The following DENND1A variants were observed in gnomAD, a reference collection of about 807,000 sequenced individuals.
DENND1A encodes DENN domain-containing protein 1A.
A neutral mutation model predicts 113.7 loss-of-function variants in DENND1A; 51 were observed. The observed-to-expected ratio is 0.45, with a 90% CI of 0.36 to 0.57. DENND1A has a LOEUF of 0.57. Among genes scored for constraint, DENND1A ranks in the 20% least tolerant of loss-of-function variants. The pLI is 0.00. For missense variants in DENND1A, 1,258 were observed against 1,395.9 expected, an observed-to-expected ratio of 0.90 and a Z score of 1.57; for synonymous variants, 565 against 570.8, an observed-to-expected ratio of 0.99 and a Z score of 0.14.
At chr9:123,746,420 T>A (rs2131216410) in intron 5 of DENND1A, among the ~76,000 whole-genome samples, 1 of 152,322 alleles carries the variant, frequency 6.6e-6, no homozygotes, top group Admixed American at 6.5e-5. Context: ...GCACCAATGT[T>A]TGTTTCATTA....
intron 11 of DENND1A, among the ~76,000 whole-genome samples, chr9:123,594,058 C>G (rs1156865457): frequency 2.0e-5 from 3 of 152,212 alleles, no homozygotes; most frequent in African/African-American, 7.2e-5. Flanking sequence ...GCTTCCTGTA[C>G]AGCCTGCAGA....
intron 9 of DENND1A, among the ~76,000 whole-genome samples, chr9:123,636,291 G>A (rs970891172): frequency 6.6e-6 from 1 of 151,680 alleles, no homozygotes; most frequent in African/African-American, 2.4e-5. Context: ...GATTTGAGCT[G>A]TTCAAGGACC....
chr9:123,841,241 A>G (rs574128221), intron 2 of DENND1A, among the ~76,000 whole-genome samples: 26 of 152,340 alleles, frequency 1.7e-4, no homozygotes, highest in African/African-American at 5.8e-4. Context: ...ATCAGCAATA[A>G]GTGGATCTAT....
chr9:123,578,813 G>T (rs570285357), intron 12 of DENND1A, among the ~76,000 whole-genome samples: 1 of 151,752 alleles, frequency 6.6e-6, no homozygotes, highest in African/African-American at 2.4e-5. Flanking sequence ...TCAAATCTAC[G>T]TGAAGGTCAG....
chr9:123,722,351 GACAAT>G (rs1337915219), intron 5 of DENND1A, among the ~76,000 whole-genome samples: 1 of 152,206 alleles, frequency 6.6e-6, no homozygotes, highest in African/African-American at 2.4e-5. Context: ...TTTGCAGCCT[GACAAT>G]ACAATAGAAA....
At chr9:123,888,370 G>T (rs919323108) in intron 1 of DENND1A, among the ~76,000 whole-genome samples, 1 of 152,148 alleles carries the variant, frequency 6.6e-6, no homozygotes, top group Non-Finnish European at 1.5e-5. Flanking sequence ...CTAAATAAGG[G>T]AATAAATTGA....
At chr9:123,572,306 T>A (rs2058400414) in intron 12 of DENND1A, among the ~76,000 whole-genome samples, 1 of 152,196 alleles carries the variant, frequency 6.6e-6, no homozygotes, top group Admixed American at 6.5e-5. Flanking sequence ...GGAGTAGCCT[T>A]CTATTTTATG....
At chr9:123,697,292 T>C (rs1489450709) in intron 5 of DENND1A, among the ~76,000 whole-genome samples, 1 of 152,238 alleles carries the variant, frequency 6.6e-6, no homozygotes, top group Non-Finnish European at 1.5e-5. Context: ...TCTTTAGTCA[T>C]ACAAGACAAA....
chr9:123,438,412 T>C (rs1279538829), intron 19 of DENND1A, among the ~76,000 whole-genome samples: 2 of 152,202 alleles, frequency 1.3e-5, no homozygotes, highest in South Asian at 2.1e-4. Context: ...CAGCAGACTG[T>C]AGACCTTTCC....
intron 13 of DENND1A, among the ~76,000 whole-genome samples, chr9:123,550,156 G>A (rs1358079131): frequency 6.6e-6 from 1 of 152,180 alleles, no homozygotes; most frequent in Non-Finnish European, 1.5e-5. Flanking sequence ...GCAAAATCAT[G>A]GGCTATAAGG....
At chr9:123,454,421 T>C (rs1350184666) in intron 16 of DENND1A, among the ~76,000 whole-genome samples, 1 of 152,186 alleles carries the variant, frequency 6.6e-6, no homozygotes, top group Non-Finnish European at 1.5e-5. Flanking sequence ...CCCATGATCA[T>C]GACAATTGCT....
intron 2 of DENND1A, among the ~76,000 whole-genome samples, chr9:123,807,443 C>A (rs1314617596): frequency 6.6e-6 from 1 of 152,192 alleles, no homozygotes; most frequent in Non-Finnish European, 1.5e-5. Flanking sequence ...AATGACTAAG[C>A]ACCTGATTAT....
intron 11 of DENND1A, among the ~76,000 whole-genome samples, chr9:123,584,160 G>A (rs777774773): frequency 6.6e-6 from 1 of 152,172 alleles, no homozygotes; most frequent in African/African-American, 2.4e-5. Flanking sequence ...TATTCCTTTT[G>A]AGTCAGAGGC....
intron 12 of DENND1A, among the ~76,000 whole-genome samples, chr9:123,576,933 T>A (rs2058669372): frequency 1.3e-5 from 2 of 152,234 alleles, no homozygotes; most frequent in Admixed American, 1.3e-4. Flanking sequence ...TTTTGAGCAA[T>A]TAATCAAAAT....
intron 9 of DENND1A, among the ~76,000 whole-genome samples, chr9:123,651,107 C>T (rs1044403709): frequency 6.6e-6 from 1 of 151,554 alleles, no homozygotes; most frequent in African/African-American, 2.4e-5. Context: ...AAAATGTGAA[C>T]TCATACTTAG....
chr9:123,871,812 C>T (rs1032235855), intron 2 of DENND1A, among the ~76,000 whole-genome samples: 90 of 152,250 alleles, frequency 5.9e-4, no homozygotes, highest in Non-Finnish European at 1.1e-3. Context: ...GTGGGGTAGA[C>T]ACAGGAGGAA....
At chr9:123,449,549 A>AT (rs1432378868) in intron 18 of DENND1A, among the ~76,000 whole-genome samples, 1 of 151,502 alleles carries the variant, frequency 6.6e-6, no homozygotes, top group Non-Finnish European at 1.5e-5. Context: ...AAAAAAAAAA[A>AT]GGTGGCAACA....
chr9:123,424,334 G>A (rs1008957420), intron 19 of DENND1A, among the ~76,000 whole-genome samples: 5 of 152,160 alleles, frequency 3.3e-5, no homozygotes, highest in African/African-American at 1.2e-4. Flanking sequence ...GTCCAGCCCT[G>A]TGCTATTCTA....
At chr9:123,508,555 TAAA>T (rs1232977876) in intron 13 of DENND1A, among the ~76,000 whole-genome samples, 1 of 152,142 alleles carries the variant, frequency 6.6e-6, no homozygotes, top group Non-Finnish European at 1.5e-5. Context: ...TTTTGACAAA[TAAA>T]AAAAGACAAG....
Sources: gnomAD v4.1 joint callset for allele counts (sites outside exome capture counted in the v4.1 genomes callset) on GRCh38, gnomAD v4.1.1 for gene constraint, MANE v1.5 for transcripts, NCBI Gene and HGNC (gene_info 2026-07-23, HGNC 2026-07-21) for gene names.